Variants in NEBL observed in about 807,000 individuals in gnomAD.
NEBL encodes nebulette, also known as LIM and SH3 protein 2.
Under a neutral mutation model 140.2 loss-of-function variants are expected in NEBL, and 122 were observed. The ratio of observed to expected loss-of-function variants is 0.87; its 90% confidence interval spans 0.75 to 1.01. The LOEUF (loss-of-function observed/expected upper bound fraction) is 1.01. NEBL is among the 50% of genes least tolerant of loss of function. The pLI, the probability that NEBL is intolerant of heterozygous loss-of-function variation, is 0.00. For missense variants in NEBL, 1,365 were observed against 1,231.3 expected (o/e 1.11, Z -1.62); for synonymous variants, 436 against 398.9 (o/e 1.09, Z -1.11).
At chr10:21,022,319 T>G (rs10828176) in intron 2 of NEBL, among the ~76,000 whole-genome samples, 42,084 of 152,074 alleles carry the variant, frequency 0.28, 11,026 homozygotes, top group African/African-American at 0.68. Flanking sequence ...CTGGTAAAAG[T>G]TTCTTTTCAG....
At chr10:20,860,561 C>CCAA (rs1338156990) in intron 7 of NEBL, among the ~76,000 whole-genome samples, 3 of 61,938 alleles carry the variant, frequency 4.8e-5, no homozygotes, top group Non-Finnish European at 8.6e-5. Flanking sequence ...AAGTTCACTA[C>CCAA]AAAAAGAAAA....
chr10:21,151,435 C>T (rs1025345618), intron 2 of NEBL, among the ~76,000 whole-genome samples: 9 of 152,200 alleles, frequency 5.9e-5, no homozygotes, highest in Non-Finnish European at 1.2e-4. Context: ...ATGTGACTGT[C>T]CCTTTAGCAC....
intron 3 of NEBL, among the ~76,000 whole-genome samples, chr10:20,966,918 T>C (rs1836340262): frequency 6.6e-6 from 1 of 152,332 alleles, no homozygotes; most frequent in East Asian, 1.9e-4. Context: ...ACTGGTAAAT[T>C]GTTGAATGAC....
chr10:20,820,338 A>G (rs1337282043), intron 19 of NEBL, among the ~76,000 whole-genome samples: 1 of 152,218 alleles, frequency 6.6e-6, no homozygotes, highest in Non-Finnish European at 1.5e-5. Flanking sequence ...ACACCTCCCA[A>G]AATAAATGAG....
intron 2 of NEBL, among the ~76,000 whole-genome samples, chr10:21,144,181 T>C (rs1482313867): frequency 1.3e-5 from 2 of 152,208 alleles, no homozygotes; most frequent in African/African-American, 4.8e-5. Flanking sequence ...TGTATCCACC[T>C]CCTAAGGAAC....
intron 2 of NEBL, among the ~76,000 whole-genome samples, chr10:21,094,808 T>C (rs1589228349): frequency 6.6e-6 from 1 of 152,166 alleles, no homozygotes; most frequent in African/African-American, 2.4e-5. Flanking sequence ...AAGTCTCACA[T>C]TGTAAAATTA....
chr10:21,244,422 C>T (rs927390031), intron 3 of NEBL, among the ~76,000 whole-genome samples: 7 of 151,800 alleles, frequency 4.6e-5, no homozygotes, highest in African/African-American at 1.7e-4. Context: ...AAGCCTGAGG[C>T]AGGCAGATGA....
At chr10:20,892,548 A>C (rs1847116917) in intron 2 of NEBL, among the ~76,000 whole-genome samples, 1 of 152,166 alleles carries the variant, frequency 6.6e-6, no homozygotes, top group South Asian at 2.1e-4. Flanking sequence ...CTGTTTTTAC[A>C]GTCATCTGCA....
intron 4 of NEBL, among the ~76,000 whole-genome samples, chr10:20,884,113 C>T (rs1429590139): frequency 6.6e-6 from 1 of 152,194 alleles, no homozygotes; most frequent in South Asian, 2.1e-4. Context: ...TAGTCATATA[C>T]ACTTTGTTTA....
chr10:21,203,879 C>T (rs932135993), intron 3 of NEBL, among the ~76,000 whole-genome samples: 1 of 152,156 alleles, frequency 6.6e-6, no homozygotes, highest in African/African-American at 2.4e-5. Flanking sequence ...TACTATTGCC[C>T]ACCCCTACCA....
intron 9 of NEBL, among the ~76,000 whole-genome samples, chr10:20,852,999 CTCTTA>C (rs1400950107): frequency 6.6e-6 from 1 of 152,184 alleles, no homozygotes; most frequent in Non-Finnish European, 1.5e-5. Flanking sequence ...ATTTGTCTTG[CTCTTA>C]TCTTATGACA....
chr10:20,977,541 C>A (rs549009246), intron 3 of NEBL, among the ~76,000 whole-genome samples: 4 of 151,942 alleles, frequency 2.6e-5, no homozygotes, highest in Non-Finnish European at 2.9e-5. Context: ...CACAGATAGG[C>A]GAGCTGGCCT....
intron 4 of NEBL, among the ~76,000 whole-genome samples, chr10:20,918,542 A>G (rs1039835513): frequency 1.3e-5 from 2 of 152,072 alleles, no homozygotes; most frequent in African/African-American, 2.4e-5. Context: ...CACTTAAGTA[A>G]GTACATAATA....
rs143894195 is a variant in NEBL at position 21,259,191 on chromosome 10, G to A, written n.183-7363C>T. On this transcript the variant is annotated intron_variant and non_coding_transcript_variant, in intron 1 of 8. Transcript: ENST00000675702. ...CAAACTCCGCCTCTTAGGTTCAAGCGATTCTTGTGCCTCAGCCTCCCGAGC... is the reference window on the plus strand; with the variant it reads ...CAAACTCCGCCTCTTAGGTTCAAGCAATTCTTGTGCCTCAGCCTCCCGAGC... Among the ~76,000 whole-genome samples, 4 of 151,798 alleles carry A rather than the reference G, an allele frequency of 2.6e-5. No homozygotes were observed. The South Asian group carries it at 6.3e-4, about 24-fold the overall frequency.
intron 1 of NEBL, among the ~76,000 whole-genome samples, chr10:21,252,411 G>A (rs1262274746): frequency 6.6e-6 from 1 of 152,178 alleles, no homozygotes; most frequent in Admixed American, 6.5e-5. Flanking sequence ...TAGATAGATA[G>A]ATATTTTATA....
intron 1 of NEBL, among the ~76,000 whole-genome samples, chr10:21,251,928 G>C (rs1464312698): frequency 6.6e-6 from 1 of 152,122 alleles, no homozygotes. Context: ...TGGAGAACAA[G>C]ATAAAGCCTT....
intron 3 of NEBL, among the ~76,000 whole-genome samples, chr10:20,997,176 C>T (rs1837698844): frequency 6.6e-6 from 1 of 152,074 alleles, no homozygotes; most frequent in Non-Finnish European, 1.5e-5. Context: ...TAATCCTAAT[C>T]CTGAACTCAC....
chr10:20,952,753 A>C (rs1370999404), intron 4 of NEBL, among the ~76,000 whole-genome samples: 1 of 151,692 alleles, frequency 6.6e-6, no homozygotes, highest in East Asian at 1.9e-4. Flanking sequence ...AAAAATACAA[A>C]AATTAGCTGG....
chr10:21,262,918 G>A (rs542342910), intron 1 of NEBL, among the ~76,000 whole-genome samples: 2 of 152,290 alleles, frequency 1.3e-5, no homozygotes, highest in South Asian at 2.1e-4. Flanking sequence ...TTATACAAAC[G>A]CAATAACTAA....
Sources: gnomAD v4.1 joint callset for allele counts (sites outside exome capture counted in the v4.1 genomes callset) on GRCh38, gnomAD v4.1.1 for gene constraint, MANE v1.5 for transcripts, NCBI Gene and HGNC (gene_info 2026-07-23, HGNC 2026-07-21) for gene names.